The following GBE1 variants were observed in gnomAD, a reference collection of about 807,000 sequenced individuals.
GBE1 encodes the protein 1,4-alpha-glucan branching enzyme 1, also known as 1,4-alpha-glucan-branching enzyme.
In GBE1, 70 loss-of-function variants were observed where a neutral mutation model predicts 88.8. The ratio of observed to expected loss-of-function variants is 0.79; its 90% CI spans 0.65 to 0.96. GBE1 has a LOEUF of 0.96. Among genes scored for constraint, GBE1 ranks in the 40% least tolerant of loss-of-function variants. The pLI is 0.00. For missense variants in GBE1, 872 were observed against 871.0 expected, an observed-to-expected ratio of 1.00 and a Z score of -0.01; for synonymous variants, 284 against 300.1, an observed-to-expected ratio of 0.95 and a Z score of 0.56.
chr3:81,709,177 A>G (rs1453205895), intron 1 of GBE1, among the ~76,000 whole-genome samples: 1 of 152,206 alleles, frequency 6.6e-6, no homozygotes, highest in Non-Finnish European at 1.5e-5. Flanking sequence ...AGATTTTTCT[A>G]TGAACTCTTC....
intron 2 of GBE1, among the ~76,000 whole-genome samples, chr3:81,691,022 T>C (rs1359029534): frequency 3.3e-5 from 5 of 151,774 alleles, no homozygotes; most frequent in African/African-American, 1.2e-4. Flanking sequence ...TGTGGAGCAC[T>C]GTACACAGGA....
intron 14 of GBE1, among the ~76,000 whole-genome samples, chr3:81,527,839 C>T (rs1702963588): frequency 6.6e-6 from 1 of 151,996 alleles, no homozygotes; most frequent in African/African-American, 2.4e-5. Context: ...ATGAGAAATA[C>T]CATTTGACCC....
At position 81,761,463 on chromosome 3, in the gene GBE1, T is replaced by G; in HGVS notation, c.55A>C (p.Asn19His). 6.2e-7 allele frequency: 1 copy of G among 1,613,408 alleles called. No individual in the cohort carries two copies. The highest frequency in any genetic ancestry group is 8.5e-7 in the Non-Finnish European group (1 of 1,179,682). The change falls in exon 1 of 16, where the codon AAT becomes CAT. Residue 19 changes from asparagine (N) to histidine (H), a missense_variant. Physicochemically the swap from Asn to His is moderately conservative, Grantham distance 68. Coordinates refer to ENST00000429644, the MANE Select transcript of GBE1 (RefSeq NM_000158.4). ...TCGGGCACGTCAGCCAGGGCGGCATTGAGCGCCGCCTCGTAGTCCTCGGGC... is the reference window on the plus strand; with the variant it reads ...TCGGGCACGTCAGCCAGGGCGGCATGGAGCGCCGCCTCGTAGTCCTCGGGC... ...ARPEDYEAAL[N>H]AALADVPELA... is the part of the protein sequence containing the mutation.
chr3:81,533,324 T>C (rs1299611276), intron 14 of GBE1, among the ~76,000 whole-genome samples: 1 of 151,628 alleles, frequency 6.6e-6, no homozygotes, highest in East Asian at 1.9e-4. Context: ...ACTTCTTTAG[T>C]GTAGATAACC....
At chr3:81,723,550 T>C (rs1338825235) in intron 1 of GBE1, among the ~76,000 whole-genome samples, 2 of 152,214 alleles carry the variant, frequency 1.3e-5, no homozygotes, top group Admixed American at 1.3e-4. Context: ...ACATCTTAAA[T>C]TACTTCACTG....
rs560367295 is a variant in GBE1, at chr3:81,667,584, G to T, written c.429+3254C>A. Among the ~76,000 whole-genome samples the T allele has an allele frequency of 3.6e-4, 55 of 152,128 alleles. 1 individual carries two copies. The highest frequency in any genetic ancestry group is 8.8e-5 in the Non-Finnish European group (6 of 68,010). ...TCAATATGATATTAGTTGTGGGTTTGTCATAAATAGCTCTTATTATTTCTA... is the reference window on the plus strand; with the variant it reads ...TCAATATGATATTAGTTGTGGGTTTTTCATAAATAGCTCTTATTATTTCTA... On this transcript the variant is annotated intron_variant, in intron 3 of 15. Transcript: ENST00000429644.
At chr3:81,497,908 T>G (rs1172734447) in intron 15 of GBE1, among the ~76,000 whole-genome samples, 1 of 152,234 alleles carries the variant, frequency 6.6e-6, no homozygotes, top group African/African-American at 2.4e-5. Flanking sequence ...GTGTCAAAAT[T>G]GAATGTTCTC....
chr3:81,638,233 G>A lies in GBE1; in HGVS notation c.992+4548C>T, dbSNP rs1031232869. ...AAAGAGAGTATCTTTTAGCCTAATG[G>A]TTACCATATTATGAACTCAAGCTGA... On this transcript the variant is annotated intron_variant, in intron 7 of 15. Transcript: ENST00000429644. Among the ~76,000 whole-genome samples, 6 of 151,966 alleles carry A rather than the reference G, an allele frequency of 3.9e-5. 1 individual carries two copies. The highest frequency in any genetic ancestry group is 5.9e-5 in the Non-Finnish European group (4 of 67,952).
intron 7 of GBE1, among the ~76,000 whole-genome samples, chr3:81,596,074 T>A (rs1296040135): frequency 6.6e-6 from 1 of 151,984 alleles, no homozygotes; most frequent in Non-Finnish European, 1.5e-5. Context: ...ATTTCTTTTA[T>A]ATTTTATGAA....
chr3:81,512,719 A>T (rs1026582049), intron 14 of GBE1, among the ~76,000 whole-genome samples: 2 of 151,868 alleles, frequency 1.3e-5, no homozygotes, highest in African/African-American at 2.4e-5. Context: ...TGATCCTCAC[A>T]TGTAGATTGA....
At chr3:81,636,895 C>T (rs990171392) in intron 7 of GBE1, among the ~76,000 whole-genome samples, 2 of 152,032 alleles carry the variant, frequency 1.3e-5, no homozygotes, top group East Asian at 1.9e-4. Flanking sequence ...TATATTACTT[C>T]AATTATAAAA....
At chr3:81,668,675 TATA>T (rs1378104420) in intron 3 of GBE1, among the ~76,000 whole-genome samples, 10 of 152,202 alleles carry the variant, frequency 6.6e-5, no homozygotes, top group Non-Finnish European at 1.3e-4. Flanking sequence ...TGTTTAATAA[TATA>T]ATCATACAGA....
chr3:81,534,079 T>A (rs1703043383), intron 14 of GBE1, among the ~76,000 whole-genome samples: 1 of 152,062 alleles, frequency 6.6e-6, no homozygotes, highest in African/African-American at 2.4e-5. Context: ...CACATAGGAC[T>A]TCATGTTGGC....
chr3:81,605,738 T>G (rs1704093945), intron 7 of GBE1, among the ~76,000 whole-genome samples: 1 of 152,120 alleles, frequency 6.6e-6, no homozygotes, highest in African/African-American at 2.4e-5. Flanking sequence ...TTCGTGGCCA[T>G]GTAAGGTCTC....
chr3:81,572,062 C>T (rs1347408473), intron 12 of GBE1, among the ~76,000 whole-genome samples: 2 of 152,082 alleles, frequency 1.3e-5, no homozygotes, highest in African/African-American at 4.8e-5. Context: ...GGCAGTTTCC[C>T]CCATGCTGTT....
In GBE1 at chr3:81,751,538, T is replaced by C. The variant is rs374224402; in HGVS notation, c.143+9837A>G. On this transcript the variant is annotated intron_variant, in intron 1 of 15. Coordinates refer to ENST00000429644, the MANE Select transcript of GBE1 (RefSeq NM_000158.4). Reference sequence around the variant, plus strand: ...AACATATGCTTCACTAAAAAAGACATAGTAAGCTAGCACGTGTTCCAGCTA... The same window carrying C: ...AACATATGCTTCACTAAAAAAGACACAGTAAGCTAGCACGTGTTCCAGCTA... 3.9e-5 allele frequency among the ~76,000 whole-genome samples: 6 copies of C among 152,180 alleles called. No individual in the cohort carries two copies. In the East Asian group the frequency reaches 5.8e-4, roughly 15 times the overall value.
At chr3:81,629,791 G>C (rs1704479305) in intron 7 of GBE1, among the ~76,000 whole-genome samples, 1 of 151,842 alleles carries the variant, frequency 6.6e-6, no homozygotes, top group African/African-American at 2.4e-5. Context: ...ATGTATACAT[G>C]GGCCATGTTG....
rs111663519 is a variant in GBE1, at chr3:81,582,838, A to T, written c.1336-1563T>A. On this transcript the variant is annotated intron_variant, in intron 10 of 15. Transcript: ENST00000429644. ...GAGTCAAAAATTTCTTAAACTTGAT[A>T]CCAAAAGAGAGACCTATACAAGGGA... is the stretch of plus-strand genomic sequence containing the variant. Among the ~76,000 whole-genome samples the T allele has an allele frequency of 2.2e-4, 34 of 152,224 alleles. 1 individual carries two copies. Among genetic ancestry groups the T allele is most frequent in the African/African-American group, 8.2e-4 (34 of 41,570 alleles).
intron 1 of GBE1, among the ~76,000 whole-genome samples, chr3:81,742,218 T>C (rs1191008028): frequency 6.6e-6 from 1 of 152,130 alleles, no homozygotes; most frequent in Non-Finnish European, 1.5e-5. Context: ...GAAGATAACC[T>C]GTTTCATTCA....
Sources: allele counts gnomAD v4.1 joint callset (sites outside exome capture counted in the v4.1 genomes callset), GRCh38; gene constraint gnomAD v4.1.1; transcripts MANE v1.5; gene names NCBI Gene and HGNC (gene_info 2026-07-23, HGNC 2026-07-21).